The following CCSER1 variants were observed in gnomAD, a reference collection of about 807,000 sequenced individuals.
The protein encoded by CCSER1 is coiled-coil serine rich protein 1, also known as serine-rich coiled-coil domain-containing protein 1.
In CCSER1, 41 loss-of-function variants were observed where a neutral mutation model predicts 82.0. That is an observed-to-expected ratio of 0.50 (90% CI 0.39 to 0.65). The LOEUF is 0.65. Ranked by LOEUF, CCSER1 falls within the 30% of genes least tolerant of loss-of-function variation. CCSER1 has a pLI of 0.00. For missense variants in CCSER1, 1,119 were observed against 1,064.2 expected (o/e 1.05, Z -0.72); for synonymous variants, 414 against 383.9 (o/e 1.08, Z -0.92).
intron 5 of CCSER1, among the ~76,000 whole-genome samples, chr4:90,542,861 CT>C (rs1776276424): frequency 6.6e-6 from 1 of 152,022 alleles, no homozygotes; most frequent in Non-Finnish European, 1.5e-5. Context: ...GATCATAGCT[CT>C]TTTTCCCTTT....
At chr4:90,648,313 G>GAAAGAAAGAAAGAAAGAA (rs1560879628) in intron 6 of CCSER1, among the ~76,000 whole-genome samples, 15 of 150,628 alleles carry the variant, frequency 1.0e-4, no homozygotes, top group Non-Finnish European at 1.9e-4. Context: ...AAGAAAGAAA[G>GAAAGAAAGAAAGAAAGAA]AAAGAAAGAA....
intron 6 of CCSER1, among the ~76,000 whole-genome samples, chr4:90,691,332 T>TA (rs1735789077): frequency 6.6e-6 from 1 of 151,976 alleles, no homozygotes; most frequent in South Asian, 2.1e-4. Flanking sequence ...ATTTTATTCC[T>TA]AAAGCTAACA....
At chr4:91,102,026 C>T (rs1249145195) in intron 10 of CCSER1, among the ~76,000 whole-genome samples, 2 of 134,072 alleles carry the variant, frequency 1.5e-5, no homozygotes, top group Non-Finnish European at 3.5e-5. Context: ...TCAGACAGAC[C>T]CCTGAATGGG....
intron 6 of CCSER1, among the ~76,000 whole-genome samples, chr4:90,712,030 C>G (rs1740704008): frequency 6.6e-6 from 1 of 151,710 alleles, no homozygotes; most frequent in Non-Finnish European, 1.5e-5. Context: ...ATATTTGAAT[C>G]TTACTTCTTT....
chr4:90,534,854 C>T (rs1290625630), intron 5 of CCSER1, among the ~76,000 whole-genome samples: 1 of 152,174 alleles, frequency 6.6e-6, no homozygotes, highest in African/African-American at 2.4e-5. Context: ...AGCATACCAT[C>T]TGCATTTAAG....
intron 7 of CCSER1, chr4:90,782,127 C>A: frequency 3.6e-6 from 1 of 277,540 alleles, no homozygotes; most frequent in Non-Finnish European, 5.5e-6. Flanking sequence ...GATTATATTG[C>A]ATATTTCCTG....
At chr4:90,293,507 C>T (rs187491363) in intron 1 of CCSER1, among the ~76,000 whole-genome samples, 3 of 150,960 alleles carry the variant, frequency 2.0e-5, no homozygotes, top group Admixed American at 6.6e-5. Flanking sequence ...ATTAACTTTA[C>T]CGTCAAAAAG....
chr4:90,612,537 A>T (rs1358213906), intron 5 of CCSER1, among the ~76,000 whole-genome samples: 1 of 152,210 alleles, frequency 6.6e-6, no homozygotes, highest in South Asian at 2.1e-4. Flanking sequence ...TAAAGCAGAG[A>T]AATTCCACAT....
chr4:91,342,341 G>A lies in CCSER1; in HGVS notation c.2218-256231G>A, dbSNP rs372819112. On this transcript the variant is annotated intron_variant, in intron 10 of 10. Coordinates refer to ENST00000509176, the MANE Select transcript of CCSER1 (RefSeq NM_001145065.2). ...AGCCATTACTTTATATCTTTAATATGGACATAGTAACCATTACTTTATAAC... is the reference window on the plus strand; with the variant it reads ...AGCCATTACTTTATATCTTTAATATAGACATAGTAACCATTACTTTATAAC... Among the ~76,000 whole-genome samples, 145 of 152,200 alleles carry A rather than the reference G, an allele frequency of 9.5e-4. 1 individual carries two copies. The highest frequency in any genetic ancestry group is 6.0e-3 in the South Asian group (29 of 4,824).
chr4:90,540,521 A>G (rs985736233), intron 5 of CCSER1, among the ~76,000 whole-genome samples: 2 of 152,146 alleles, frequency 1.3e-5, no homozygotes, highest in Non-Finnish European at 2.9e-5. Flanking sequence ...GTAATAGACA[A>G]CAGCAGAACC....
intron 1 of CCSER1, among the ~76,000 whole-genome samples, chr4:90,156,524 C>G (rs779867218): frequency 6.6e-6 from 1 of 152,216 alleles, no homozygotes; most frequent in East Asian, 1.9e-4. Flanking sequence ...CTTTGTAGGT[C>G]ACTGAGGACT....
In CCSER1 at chr4:91,331,001, C is replaced by T. The variant is rs1746910480; in HGVS notation, c.2217+245007C>T. On this transcript the variant is annotated intron_variant, in intron 10 of 10. Transcript: ENST00000509176. ...GCTTATTCATAACTTATAGGCTAAC[C>T]TGCTGTTATTATACAGGAAAAACCA... Among the ~76,000 whole-genome samples the T allele has an allele frequency of 2.0e-5, 3 of 152,190 alleles. No individual in the cohort carries two copies. In the South Asian group the frequency reaches 6.2e-4, roughly 32 times the overall value.
chr4:91,134,481 T>G (rs1728284227), intron 10 of CCSER1, among the ~76,000 whole-genome samples: 1 of 152,046 alleles, frequency 6.6e-6, no homozygotes. Context: ...TGGGATAATT[T>G]GAGCATCAAG....
intron 5 of CCSER1, among the ~76,000 whole-genome samples, chr4:90,541,989 T>C (rs1046420487): frequency 2.0e-5 from 3 of 152,024 alleles, no homozygotes; most frequent in Non-Finnish European, 4.4e-5. Flanking sequence ...ACTTATCAAT[T>C]TACTTTTTAG....
intron 4 of CCSER1, among the ~76,000 whole-genome samples, chr4:90,445,915 C>G (rs1760585470): frequency 6.6e-6 from 1 of 152,144 alleles, no homozygotes; most frequent in Non-Finnish European, 1.5e-5. Flanking sequence ...GGATTAGCTT[C>G]TCTGGAAATT....
intron 5 of CCSER1, among the ~76,000 whole-genome samples, chr4:90,534,206 T>G (rs2153632115): frequency 6.6e-6 from 1 of 152,356 alleles, no homozygotes; most frequent in East Asian, 1.9e-4. Flanking sequence ...CTCGGCTCAC[T>G]GCAAGCTCTG....
chr4:90,228,594 A>G (rs1278880758), intron 1 of CCSER1, among the ~76,000 whole-genome samples: 2 of 152,216 alleles, frequency 1.3e-5, no homozygotes, highest in East Asian at 3.9e-4. Flanking sequence ...ATAATTCATC[A>G]CCAGCAACGG....
At chr4:90,148,001 C>G (rs949940263) in intron 1 of CCSER1, among the ~76,000 whole-genome samples, 8 of 152,096 alleles carry the variant, frequency 5.3e-5, no homozygotes, top group African/African-American at 1.9e-4. Flanking sequence ...CCTGTTTCTA[C>G]TAAAAATACA....
intron 10 of CCSER1, among the ~76,000 whole-genome samples, chr4:91,111,445 C>A (rs1726085945): frequency 6.6e-6 from 1 of 151,792 alleles, no homozygotes; most frequent in Admixed American, 6.6e-5. Flanking sequence ...TAAAATGACA[C>A]AAAAGTGATA....
Sources: allele counts gnomAD v4.1 joint callset (sites outside exome capture counted in the v4.1 genomes callset), GRCh38; gene constraint gnomAD v4.1.1; transcripts MANE v1.5; gene names NCBI Gene and HGNC (gene_info 2026-07-23, HGNC 2026-07-21).